TIAM2: variants seen among roughly 807,000 people sequenced by gnomAD.
The protein encoded by TIAM2 is TIAM Rac1 associated GEF 2, also known as rho guanine nucleotide exchange factor TIAM2.
Under a neutral mutation model 152.9 loss-of-function variants are expected in TIAM2, and 80 were observed. That is an observed-to-expected ratio of 0.52 (90% CI 0.44 to 0.63). TIAM2 has a LOEUF of 0.63. Ranked by LOEUF, TIAM2 falls within the 30% of genes least tolerant of loss-of-function variation. The pLI, the probability that TIAM2 is intolerant of heterozygous loss-of-function variation, is 0.00. For synonymous variants in TIAM2, 804 were observed against 838.0 expected, an observed-to-expected ratio of 0.96 and a Z score of 0.70; for missense variants, 1,965 against 2,120.1, an observed-to-expected ratio of 0.93 and a Z score of 1.44.
At chr6:155,003,018 T>C (rs1443371318) in intron 1 of TIAM2, among the ~76,000 whole-genome samples, 1 of 152,084 alleles carries the variant, frequency 6.6e-6, no homozygotes, top group African/African-American at 2.4e-5. Context: ...TTTGTACCAC[T>C]TTTATATCCA....
At chr6:155,035,276 G>A (rs978546075) in intron 1 of TIAM2, among the ~76,000 whole-genome samples, 6 of 150,636 alleles carry the variant, frequency 4.0e-5, no homozygotes, top group African/African-American at 1.5e-4. Flanking sequence ...AGGCTGGAGT[G>A]CGGTGGCGTG....
chr6:155,081,623 T>C (rs534128807), intron 1 of TIAM2, among the ~76,000 whole-genome samples: 4 of 152,272 alleles, frequency 2.6e-5, no homozygotes, highest in African/African-American at 7.2e-5. Context: ...GAAAGCCACT[T>C]ATTCCACAGG....
chr6:155,146,928 A>G (rs1000333103), intron 6 of TIAM2, among the ~76,000 whole-genome samples: 1 of 151,562 alleles, frequency 6.6e-6, no homozygotes, highest in Admixed American at 6.6e-5. Context: ...TCCTATTATT[A>G]TTTTTTAATT....
intron 1 of TIAM2, among the ~76,000 whole-genome samples, chr6:155,087,738 G>A (rs1160766836): frequency 6.6e-6 from 1 of 151,998 alleles, no homozygotes; most frequent in Non-Finnish European, 1.5e-5. Context: ...GACAGAGTGA[G>A]ACTCCATCTC....
At chr6:155,067,418 TA>T (rs1210334898) in intron 1 of TIAM2, among the ~76,000 whole-genome samples, 1 of 152,168 alleles carries the variant, frequency 6.6e-6, no homozygotes, top group African/African-American at 2.4e-5. Context: ...CTTTGATATT[TA>T]AATAAAATTG....
In TIAM2 at chr6:155,239,561, G is replaced by C. The variant is rs149555168; in HGVS notation, c.3169-969G>C. 3.8e-3 allele frequency among the ~76,000 whole-genome samples: 582 copies of C among 152,376 alleles called. 1 individual carries two copies. The highest frequency in any genetic ancestry group is 0.013 in the African/African-American group (546 of 41,592). ...TGTGAGGCTTTCCAGCCAAAGTCTG[G>C]TGGATACAGATAGGCTGTCTTTGAG... On this transcript the variant is annotated intron_variant, in intron 15 of 26. Transcript: ENST00000682666.
At chr6:155,034,358 C>T (rs538306083) in intron 1 of TIAM2, among the ~76,000 whole-genome samples, 22 of 152,190 alleles carry the variant, frequency 1.4e-4, no homozygotes, top group African/African-American at 4.6e-4. Flanking sequence ...TCAAGCAATT[C>T]TCCTGCCTCA....
At chr6:155,070,423 G>A (rs1411480823) in intron 1 of TIAM2, among the ~76,000 whole-genome samples, 2 of 151,380 alleles carry the variant, frequency 1.3e-5, no homozygotes, top group Non-Finnish European at 2.9e-5. Context: ...CACCATGTTG[G>A]CCAGGCTGGT....
At chr6:155,067,063 A>C (rs145479360) in intron 1 of TIAM2, among the ~76,000 whole-genome samples, 1 of 152,146 alleles carries the variant, frequency 6.6e-6, no homozygotes. Flanking sequence ...TTCTATTTGC[A>C]GTCTTCCCAG....
rs1583185937 is a variant in TIAM2 at position 155,093,071 on chromosome 6, G to A, written c.-118+2692G>A. On this transcript the variant is annotated intron_variant, in intron 2 of 26. Transcript: ENST00000682666. ...TGTTTGCAAACATGCCATTTTCTGTGTGTATAACAATATAGTTGTCTTTTT... is the reference window on the plus strand; with the variant it reads ...TGTTTGCAAACATGCCATTTTCTGTATGTATAACAATATAGTTGTCTTTTT... Among the ~76,000 whole-genome samples the A allele has an allele frequency of 2.6e-5, 4 of 152,272 alleles. 1 individual carries two copies. The highest frequency in any genetic ancestry group is 2.6e-4 in the Admixed American group (4 of 15,296).
chr6:155,221,030 G>T (rs7763335), intron 15 of TIAM2, among the ~76,000 whole-genome samples: 6,270 of 146,528 alleles, frequency 0.043, 447 homozygotes, highest in African/African-American at 0.15. Flanking sequence ...TTCCCCTGCT[G>T]TTTTCTGTGC....
rs1205837955 is a variant in TIAM2, at chr6:155,027,599, CTATA to C, written c.-209+32112_-209+32115del. Among the ~76,000 whole-genome samples the C allele has an allele frequency of 3.9e-5, 3 of 76,238 alleles. 1 individual carries two copies. Among genetic ancestry groups the C allele is most frequent in the Non-Finnish European group, 7.2e-5 (3 of 41,898 alleles). 50.0% of individuals were successfully genotyped at this position (76,238 alleles called of 152,430 possible). On this transcript the variant is annotated intron_variant, in intron 1 of 26. Coordinates refer to ENST00000682666, the MANE Select transcript of TIAM2 (RefSeq NM_012454.4). The stretch of plus-strand genomic sequence containing the variant: ...ATATATGTACTGTGTTACATATATA[CTATA>C]TATAATATATGTACTGTGTTACATA...
chr6:155,153,864 T>G (rs1478214398), intron 7 of TIAM2, among the ~76,000 whole-genome samples: 1 of 152,130 alleles, frequency 6.6e-6, no homozygotes, highest in Non-Finnish European at 1.5e-5. Context: ...TCAGGTGATC[T>G]GCCTGCCTCG....
At chr6:155,205,024 T>C (rs1781561983) in intron 14 of TIAM2, among the ~76,000 whole-genome samples, 1 of 152,038 alleles carries the variant, frequency 6.6e-6, no homozygotes, top group South Asian at 2.1e-4. Flanking sequence ...GCCCTTTTTA[T>C]CATAGCATTA....
At chr6:155,229,655 A>C (rs956337834) in intron 15 of TIAM2, among the ~76,000 whole-genome samples, 1 of 152,256 alleles carries the variant, frequency 6.6e-6, no homozygotes, top group Non-Finnish European at 1.5e-5. Flanking sequence ...CCTTGGTGTG[A>C]GTTTCACACT....
rs1319017088 is a variant in TIAM2, at chr6:155,002,942, C to T, written c.-209+7450C>T. 2.6e-5 allele frequency among the ~76,000 whole-genome samples: 4 copies of T among 152,030 alleles called. No individual in the cohort carries two copies. The East Asian group carries it at 7.7e-4, about 29-fold the overall frequency. On this transcript the variant is annotated intron_variant, in intron 1 of 26. Coordinates refer to ENST00000682666, the MANE Select transcript of TIAM2 (RefSeq NM_012454.4). ...CTCTTGACCTCAGGTGATCTGCCCTCCTTGGCCTCCCAAAGTGTTGGGATT... is the reference window on the plus strand; with the variant it reads ...CTCTTGACCTCAGGTGATCTGCCCTTCTTGGCCTCCCAAAGTGTTGGGATT...
At chr6:155,201,775 A>G (rs1478500004) in intron 14 of TIAM2, among the ~76,000 whole-genome samples, 2 of 152,200 alleles carry the variant, frequency 1.3e-5, no homozygotes, top group African/African-American at 2.4e-5. Flanking sequence ...TCACAAGACA[A>G]TTGAAACAGA....
At chr6:155,087,897 A>T (rs1347056780) in intron 1 of TIAM2, among the ~76,000 whole-genome samples, 1 of 88,886 alleles carries the variant, frequency 1.1e-5, no homozygotes, top group Non-Finnish European at 2.1e-5. Context: ...TGAACTAATT[A>T]TGTCGCCTTG....
In TIAM2 at chr6:155,256,391, T is replaced by G; in HGVS notation, c.4469-93T>G. The G allele has an allele frequency of 3.9e-6, 6 of 1,552,664 alleles. No homozygotes were observed. The South Asian group carries it at 6.1e-5, about 16-fold the overall frequency. ...TGAAGTCATATCATAAAATAAAATC[T>G]TAATGTTAAATCTTACACAAGCTTT... is the stretch of plus-strand genomic sequence containing the variant. On this transcript the variant is annotated intron_variant, in intron 26 of 26. Transcript: ENST00000682666.
Sources: gnomAD v4.1 joint callset for allele counts (sites outside exome capture counted in the v4.1 genomes callset) on GRCh38, gnomAD v4.1.1 for gene constraint, MANE v1.5 for transcripts, NCBI Gene and HGNC (gene_info 2026-07-23, HGNC 2026-07-21) for gene names.